Variants in TBC1D22A observed in about 807,000 individuals in gnomAD.
TBC1D22A encodes the protein putative GTPase activator.
In TBC1D22A, 38 loss-of-function variants were observed where a neutral mutation model predicts 60.2. The observed-to-expected ratio is 0.63, with a 90% CI of 0.49 to 0.83. The LOEUF is 0.83. TBC1D22A is among the 40% of genes least tolerant of loss of function. TBC1D22A has a pLI of 0.00. For missense variants in TBC1D22A, 628 were observed against 701.0 expected, an observed-to-expected ratio of 0.90 and a Z score of 1.18; for synonymous variants, 302 against 281.7, an observed-to-expected ratio of 1.07 and a Z score of -0.72.
At chr22:46,898,800 G>C (rs1263285361) in intron 7 of TBC1D22A, among the ~76,000 whole-genome samples, 1 of 152,196 alleles carries the variant, frequency 6.6e-6, no homozygotes, top group African/African-American at 2.4e-5. Context: ...TAGCTTCATC[G>C]TGTAGCCATC....
At chr22:47,135,281 G>A (rs1298469183) in intron 12 of TBC1D22A, among the ~76,000 whole-genome samples, 2 of 152,180 alleles carry the variant, frequency 1.3e-5, no homozygotes, top group Non-Finnish European at 2.9e-5. Context: ...GAGGGTCTGC[G>A]GTGGGTCCAT....
intron 7 of TBC1D22A, among the ~76,000 whole-genome samples, chr22:46,895,523 C>A (rs1042763426): frequency 6.6e-6 from 1 of 152,216 alleles, no homozygotes; most frequent in Non-Finnish European, 1.5e-5. Flanking sequence ...AGGCACCCAC[C>A]ACCACGCCCG....
intron 3 of TBC1D22A, among the ~76,000 whole-genome samples, chr22:46,794,548 A>C (rs114715392): frequency 0.01 from 1,580 of 152,272 alleles, 23 homozygotes; most frequent in African/African-American, 0.036. Flanking sequence ...GGCCGCGGGT[A>C]CTGTTTTCAG....
intron 10 of TBC1D22A, among the ~76,000 whole-genome samples, chr22:47,033,759 G>A (rs1435234712): frequency 6.6e-6 from 1 of 152,172 alleles, no homozygotes; most frequent in Non-Finnish European, 1.5e-5. Flanking sequence ...GTGAGCCCGG[G>A]GCGCGGGGAA....
chr22:47,057,447 G>A (rs1038218418), intron 11 of TBC1D22A, among the ~76,000 whole-genome samples: 5 of 152,178 alleles, frequency 3.3e-5, no homozygotes, highest in African/African-American at 7.2e-5. Flanking sequence ...CTTTCTTTCC[G>A]GGAGCCGTGG....
chr22:46,780,794 G>C (rs997142711), intron 1 of TBC1D22A, among the ~76,000 whole-genome samples: 1 of 152,246 alleles, frequency 6.6e-6, no homozygotes, highest in South Asian at 2.1e-4. Context: ...GACTTGAATG[G>C]AGAAACATAA....
intron 11 of TBC1D22A, among the ~76,000 whole-genome samples, chr22:47,101,893 G>A (rs774455520): frequency 6.6e-6 from 1 of 152,164 alleles, no homozygotes; most frequent in Non-Finnish European, 1.5e-5. Flanking sequence ...CTCCAGTGAC[G>A]TCCAGAATTT....
intron 4 of TBC1D22A, among the ~76,000 whole-genome samples, chr22:46,864,197 G>T (rs80185937): frequency 0.085 from 12,937 of 152,224 alleles, 689 homozygotes; most frequent in Non-Finnish European, 0.12. Context: ...AAGTTATTTT[G>T]AAAAACTCTG....
chr22:46,966,071 C>G (rs781179947), intron 8 of TBC1D22A, among the ~76,000 whole-genome samples: 4 of 152,204 alleles, frequency 2.6e-5, no homozygotes, highest in Non-Finnish European at 4.4e-5. Flanking sequence ...TCCCGTCCCT[C>G]TACAGGGAAG....
At chr22:47,159,485 C>T (rs935992462) in intron 12 of TBC1D22A, among the ~76,000 whole-genome samples, 2 of 151,696 alleles carry the variant, frequency 1.3e-5, no homozygotes, top group Non-Finnish European at 2.9e-5. Context: ...TGTAAACACA[C>T]AGACAACACA....
intron 1 of TBC1D22A, among the ~76,000 whole-genome samples, chr22:46,781,696 G>A (rs1016466080): frequency 1.3e-5 from 2 of 152,118 alleles, no homozygotes; most frequent in African/African-American, 4.8e-5. Flanking sequence ...TCTCTCTGCC[G>A]GCCCCTCCCT....
chr22:46,792,706 C>A, intron 2 of TBC1D22A, 130 bp downstream of exon 2: 1 of 1,588,998 alleles, frequency 6.3e-7, no homozygotes, highest in Non-Finnish European at 8.6e-7. Flanking sequence ...CATTCAGCCA[C>A]ACTGATCAAG....
At chr22:46,900,219 TCGGCTCACTGCAACCTC>T (rs1244850138) in intron 7 of TBC1D22A, among the ~76,000 whole-genome samples, 1 of 150,720 alleles carries the variant, frequency 6.6e-6, no homozygotes, top group Non-Finnish European at 1.5e-5. Flanking sequence ...TGGTGCGATC[TCGGCTCACTGCAACCTC>T]CGCCTCCTGG....
intron 9 of TBC1D22A, among the ~76,000 whole-genome samples, chr22:46,975,998 T>G (rs1180429487): frequency 6.6e-6 from 1 of 152,192 alleles, no homozygotes; most frequent in Admixed American, 6.5e-5. Context: ...TCATTTCCCC[T>G]CCTTTACTAA....
At chr22:46,804,216 C>A (rs2085031565) in intron 4 of TBC1D22A, among the ~76,000 whole-genome samples, 1 of 152,238 alleles carries the variant, frequency 6.6e-6, no homozygotes, top group Non-Finnish European at 1.5e-5. Flanking sequence ...GCCTTGGCCC[C>A]TTTTTGCCCG....
chr22:46,947,255 G>A (rs2072604865), intron 8 of TBC1D22A, among the ~76,000 whole-genome samples: 1 of 152,292 alleles, frequency 6.6e-6, no homozygotes, highest in East Asian at 1.9e-4. Flanking sequence ...GTTTGGACAT[G>A]GTTCTTGGGT....
At chr22:46,909,833 C>T (rs2069775365) in intron 7 of TBC1D22A, among the ~76,000 whole-genome samples, 1 of 152,192 alleles carries the variant, frequency 6.6e-6, no homozygotes, top group Admixed American at 6.5e-5. Context: ...ACACGCCGTC[C>T]CCTGGGCTTG....
At chr22:46,893,350 G>A (rs551255176) in intron 6 of TBC1D22A, among the ~76,000 whole-genome samples, 2 of 152,244 alleles carry the variant, frequency 1.3e-5, no homozygotes, top group East Asian at 3.9e-4. Flanking sequence ...GGAGGCAGGC[G>A]GGATGGATGG....
intron 11 of TBC1D22A, among the ~76,000 whole-genome samples, chr22:47,053,234 C>A (rs1024593206): frequency 6.6e-6 from 1 of 152,220 alleles, no homozygotes; most frequent in East Asian, 1.9e-4. Flanking sequence ...CACTTTCTGC[C>A]TCCTCCTGTT....
Sources: gnomAD v4.1 joint callset for allele counts (sites outside exome capture counted in the v4.1 genomes callset) on GRCh38, gnomAD v4.1.1 for gene constraint, MANE v1.5 for transcripts, NCBI Gene and HGNC (gene_info 2026-07-23, HGNC 2026-07-21) for gene names.